Variants in TREH observed in about 807,000 individuals in gnomAD.
TREH encodes trehalase.
TREH carries 69 observed loss-of-function variants against 80.5 expected under a neutral mutation model. The ratio of observed to expected loss-of-function variants is 0.86; its 90% CI spans 0.71 to 1.05. The LOEUF (loss-of-function observed/expected upper bound fraction) is 1.05. Ranked by LOEUF, TREH falls within the 50% of genes least tolerant of loss-of-function variation. The pLI is 0.00. For synonymous variants in TREH, 309 were observed against 293.5 expected (o/e 1.05, Z -0.54); for missense variants, 716 against 718.8 (o/e 1.00, Z 0.04).
intron 1 of TREH, among the ~76,000 whole-genome samples, chr11:118,675,117 C>T (rs1949465531): frequency 6.6e-6 from 1 of 152,154 alleles, no homozygotes; most frequent in African/African-American, 2.4e-5. Context: ...CTTTTACCTC[C>T]AGTAACTGAT....
At chr11:118,679,127 A>G (rs1176564747) in intron 1 of TREH, among the ~76,000 whole-genome samples, 1 of 152,140 alleles carries the variant, frequency 6.6e-6, no homozygotes, top group East Asian at 1.9e-4. Context: ...TTGTATTCCC[A>G]GCACAGTCGC....
intron 4 of TREH, among the ~76,000 whole-genome samples, chr11:118,662,198 G>A (rs1949331360): frequency 6.6e-6 from 1 of 150,590 alleles, no homozygotes; most frequent in African/African-American, 2.4e-5. Context: ...GGCCTTGGGA[G>A]TCCCAGCTCA....
intron 4 of TREH, 127 bp from the exon 5 acceptor site, chr11:118,662,117 T>A: frequency 1.4e-6 from 1 of 706,570 alleles, no homozygotes; most frequent in Non-Finnish European, 2.4e-6. Flanking sequence ...CAGCGCTGGC[T>A]CCACTGCTAC....
In TREH at chr11:118,674,549, G is replaced by C. The variant is rs1949459254; in HGVS notation, c.89+4990C>G. ...GCATACCACTTTTTTGTTTTGTTTT[G>C]TTTTGTTTTTGAGATGGAGTTTCGC... On this transcript the variant is annotated intron_variant, in intron 1 of 14. Transcript: ENST00000264029. This position sits in a 1 kb window ranked among gnomAD's most constrained non-coding sequence, Gnocchi z 4.4. 6.6e-6 allele frequency among the ~76,000 whole-genome samples: 1 copy of C among 152,076 alleles called. No individual in the cohort carries two copies. Among genetic ancestry groups the C allele is most frequent in the Non-Finnish European group, 1.5e-5 (1 of 68,002 alleles).
In TREH at chr11:118,659,408, G is replaced by A. The variant is rs1555144319; in HGVS notation, c.1394C>T (p.Pro465Leu). Residue 465 changes from proline to leucine, a missense_variant, in exon 12 of 15, where the codon CCC (proline) becomes CTC (leucine). Pro to Leu is a moderately conservative substitution (Grantham distance 98, BLOSUM62 -3). Coordinates refer to ENST00000264029, the MANE Select transcript of TREH (RefSeq NM_007180.3). ...LQKTGQQWDF[P>L]NAWAPLQDLV... ...GTCCTGCAGGGGGGCCCAGGCATTG[G>A]GGAAATCCCACTGCTGGCCTGTCTT... The A allele has an allele frequency of 2.5e-6, 4 of 1,604,898 alleles. No individual in the cohort carries two copies. The East Asian group carries it at 8.9e-5, about 36-fold the overall frequency.
rs1234983342 is a variant in TREH at position 118,669,210 on chromosome 11, A to T, written c.90-5771T>A. On this transcript the variant is annotated intron_variant, in intron 1 of 14. Transcript: ENST00000264029. ...CAGGTCATAACAAATGCTGGTGAGG[A>T]TGTGAAGAAAAGGAAACCCTCATAC... 5.9e-5 allele frequency among the ~76,000 whole-genome samples: 9 copies of T among 152,344 alleles called. No homozygotes were observed. The East Asian group carries it at 7.7e-4, about 13-fold the overall frequency.
In TREH at chr11:118,661,636, C is replaced by T. The variant is rs782414721; in HGVS notation, c.617+1G>A. Reference sequence around the variant, plus strand: ...GGCTGGAGGTGCCTGGCCCCCCTCACGTTTTCACCAGGTCCAAGAAGTTCT... The same window carrying T: ...GGCTGGAGGTGCCTGGCCCCCCTCATGTTTTCACCAGGTCCAAGAAGTTCT... On this transcript the variant is annotated splice_donor_variant, in intron 6 of 14. Transcript: ENST00000264029. LOFTEE classifies it high-confidence loss of function. This position sits in a 1 kb window ranked among gnomAD's most constrained non-coding sequence, Gnocchi z 4.2. 2.5e-5 allele frequency: 41 copies of T among 1,613,796 alleles called. No homozygotes were observed. The highest frequency in any genetic ancestry group is 1.6e-4 in the Middle Eastern group (1 of 6,084).
intron 14 of TREH, 77 bp from the exon 15 acceptor site, chr11:118,658,518 A>AG: frequency 6.5e-7 from 1 of 1,548,932 alleles, no homozygotes; most frequent in Non-Finnish European, 8.7e-7. Flanking sequence ...CTCTCTCCCC[A>AG]GGGGCACTGG....
At position 118,674,604 on chromosome 11, in the gene TREH, G is replaced by A. The variant is rs1488204111; in HGVS notation, c.89+4935C>T. Among the ~76,000 whole-genome samples, 1 of 152,134 alleles carries A rather than the reference G, an allele frequency of 6.6e-6. No homozygotes were observed. Among genetic ancestry groups the A allele is most frequent in the Non-Finnish European group, 1.5e-5 (1 of 68,028 alleles). ...GTTGCCCAAGCTGGAGTGCAATGGC[G>A]AGATCTCAGCTCACTGCAACCTCCA... On this transcript the variant is annotated intron_variant, in intron 1 of 14. Transcript: ENST00000264029. The surrounding 1 kb of genome is among the most constrained non-coding windows in gnomAD (Gnocchi z 4.4).
Position 118,660,680 on chromosome 11 carries a change from C to A in TREH, c.961G>T (p.Asp321Tyr). ...ELKAGAESGW[D>Y]FSSRWLIGGP... ...CCAATGAGCCAGCGTGAAGAGAAGT[C>A]CCAGCCAGACTCAGCCCCAGCCTTG... Residue 321 changes from aspartate to tyrosine, a missense_variant, in exon 10 of 15, where the codon GAC (aspartate) becomes TAC (tyrosine). Asp to Tyr is a radical substitution (Grantham distance 160). Transcript: ENST00000264029. The A allele has an allele frequency of 6.2e-7, 1 of 1,602,968 alleles. No individual in the cohort carries two copies.
Position 118,660,701 on chromosome 11 carries a change from C to G in TREH, c.940G>C (p.Ala314Pro). 6.3e-7 allele frequency: 1 copy of G among 1,597,600 alleles called. No individual in the cohort carries two copies. The highest frequency in any genetic ancestry group is 8.5e-7 in the Non-Finnish European group (1 of 1,172,098). ...AAGTCCCAGCCAGACTCAGCCCCAG[C>G]CTTGAGCTCAGCCCACAGAGCCTCC... is the stretch of plus-strand genomic sequence containing the variant. ...DREALWAELK[A>P]GAESGWDFSS... The change falls in exon 10 of 15, where the codon GCT (alanine) becomes CCT (proline). Residue 314 changes from alanine (A) to proline (P), a missense_variant. Ala to Pro is a conservative substitution (Grantham distance 27). Transcript: ENST00000264029.
Position 118,660,645 on chromosome 11 carries a change from G to A in TREH, c.996C>T (p.Asn332=), listed in dbSNP as rs1443387645. The A allele has an allele frequency of 1.9e-6, 3 of 1,607,122 alleles. No homozygotes were observed. Among genetic ancestry groups the A allele is most frequent in the Non-Finnish European group, 1.7e-6 (2 of 1,176,788 alleles). Residue 332 remains asparagine, a synonymous_variant, in exon 10 of 15, where the codon AAC becomes AAT. Transcript: ENST00000264029. The part of the protein sequence containing the change: ...FSSRWLIGGP[N]PNSLSGIRTS... ...TTCGGATGCCGCTAAGCGAGTTGGG[G>A]TTTGGGCCTCCAATGAGCCAGCGTG...
In TREH at chr11:118,658,132, G is replaced by C. The variant is rs1949224019; in HGVS notation, c.*157C>G. The C allele has an allele frequency of 6.7e-6, 7 of 1,040,760 alleles. No homozygotes were observed. In the South Asian group the frequency reaches 1.2e-4, roughly 17 times the overall value. 64.5% of individuals were successfully genotyped at this position (1,040,760 alleles called of 1,614,324 possible). A position where few individuals can be genotyped will look rare whatever the true frequency, so the allele number is the denominator to read the frequency against. ...TATTCAAGGTTCCAGGAGGGAGCTA[G>C]GCCCCTACCCATGACCTCCAGGTCG... On this transcript the variant is annotated 3_prime_UTR_variant, in exon 15 of 15. Coordinates refer to ENST00000264029, the MANE Select transcript of TREH (RefSeq NM_007180.3).
At chr11:118,658,823 T>A in intron 13 of TREH, 82 bp downstream of exon 13, 2 of 1,607,094 alleles carry the variant, frequency 1.2e-6, no homozygotes, top group Non-Finnish European at 1.7e-6. Flanking sequence ...GAAGCTGCTC[T>A]GCCTGCCCAG....
At position 118,661,792 on chromosome 11, in the gene TREH, GGGGCACTC is replaced by G; in HGVS notation, c.525-71_525-64del. ...CCCTCTGCCCTGCACACCAGCCAGTGGGGCACTCTGCCCTGCTGAAGACACCCTGCTGG... is the reference window on the plus strand; with the variant it reads ...CCCTCTGCCCTGCACACCAGCCAGTGTGCCCTGCTGAAGACACCCTGCTGG... On this transcript the variant is annotated intron_variant, in intron 5 of 14. Coordinates refer to ENST00000264029, the MANE Select transcript of TREH (RefSeq NM_007180.3). This position sits in a 1 kb window ranked among gnomAD's most constrained non-coding sequence, Gnocchi z 4.2. 1 of 1,602,932 alleles carries G rather than the reference GGGGCACTC, an allele frequency of 6.2e-7. No individual in the cohort carries two copies. Among genetic ancestry groups the G allele is most frequent in the Non-Finnish European group, 8.5e-7 (1 of 1,170,804 alleles).
At position 118,663,342 on chromosome 11, in the gene TREH, G is replaced by A. The variant is rs1555145356; in HGVS notation, c.187C>T (p.Pro63Ser). The A allele has an allele frequency of 6.3e-7, 1 of 1,587,656 alleles. No homozygotes were observed. The change falls in exon 2 of 15, where the codon CCA (proline) becomes TCA (serine). Residue 63 changes from proline to serine, a missense_variant. Pro to Ser is a moderately conservative substitution (Grantham distance 74, BLOSUM62 -1). Coordinates refer to ENST00000264029, the MANE Select transcript of TREH (RefSeq NM_007180.3). ...QFVDMPLSIA[P>S]EQVLQTFTEL... ...CGTTCAGCCCTAGGTGCTTCACCTG[G>A]AGCTATAGACAGTGGCATGTCCACA...
rs782370291 is a variant in TREH, at chr11:118,659,630, C to T, written c.1320+117G>A. 2.1e-5 allele frequency: 29 copies of T among 1,399,202 alleles called. No individual in the cohort carries two copies. The East Asian group carries it at 5.0e-4, about 24-fold the overall frequency. The allele number at this position is 1,399,202 out of a possible 1,614,324, so 86.7% of individuals were successfully genotyped here. ...GCCCCCCGGTGGCTCTGGTGGGACC[C>T]GCAGGCTGGGACAAGGGGCATAGCC... On this transcript the variant is annotated intron_variant, in intron 11 of 14. Coordinates refer to ENST00000264029, the MANE Select transcript of TREH (RefSeq NM_007180.3).
intron 4 of TREH, 143 bp downstream of exon 4, chr11:118,662,738 C>G: frequency 2.3e-6 from 2 of 861,962 alleles, no homozygotes; most frequent in Non-Finnish European, 3.6e-6. Flanking sequence ...TCTAGAGGGC[C>G]TCTATTTGGG....
At position 118,661,208 on chromosome 11, in the gene TREH, C is replaced by T. The variant is rs1052138963; in HGVS notation, c.809G>A (p.Gly270Glu). ...ATAGCGATTCAGGAGGTAGTTCTTT[C>T]CCTCCAAGCTCACAGAGACAGTCCT... ...KNRTVSVSLE[G>E]KNYLLNRYYV... Residue 270 changes from glycine to glutamate, a missense_variant, in exon 8 of 15, where the codon GGA becomes GAA. By Grantham distance (98) the Gly-to-Glu change is moderately conservative (BLOSUM62 -2). Coordinates refer to ENST00000264029, the MANE Select transcript of TREH (RefSeq NM_007180.3). This position sits in a 1 kb window ranked among gnomAD's most constrained non-coding sequence, Gnocchi z 4.2. 5 of 1,613,994 alleles carry T rather than the reference C, an allele frequency of 3.1e-6. No homozygotes were observed. The highest frequency in any genetic ancestry group is 3.3e-5 in the Admixed American group (2 of 60,036).
Sources: allele counts gnomAD v4.1 joint callset (sites outside exome capture counted in the v4.1 genomes callset), GRCh38; gene constraint gnomAD v4.1.1; non-coding constraint Gnocchi (gnomAD v3.1); transcripts MANE v1.5; gene names NCBI Gene and HGNC (gene_info 2026-07-23, HGNC 2026-07-21).